The following MPP2 variants were observed in gnomAD, a reference collection of about 807,000 sequenced individuals.
MPP2 encodes MAGUK p55 subfamily member 2.
A neutral mutation model predicts 58.5 loss-of-function variants in MPP2; 42 were observed. The observed-to-expected ratio is 0.72, with a 90% CI of 0.56 to 0.93. The LOEUF (loss-of-function observed/expected upper bound fraction) is 0.93. Among genes scored for constraint, MPP2 ranks in the 40% least tolerant of loss-of-function variants. MPP2 has a pLI of 0.00. For synonymous variants in MPP2, 300 were observed against 307.8 expected, an observed-to-expected ratio of 0.97 and a Z score of 0.26; for missense variants, 632 against 760.4, an observed-to-expected ratio of 0.83 and a Z score of 1.99.
At chr17:43,889,805 G>T (rs963435242) in intron 3 of MPP2, among the ~76,000 whole-genome samples, 11 of 37,906 alleles carry the variant, frequency 2.9e-4, no homozygotes, top group African/African-American at 7.5e-4. Context: ...GTCCAAATGC[G>T]TTTTTTTTTT....
chr17:43,881,347 T>C lies in MPP2; in HGVS notation c.816A>G (p.Ala272=). Residue 272 remains alanine, a splice_region_variant and synonymous_variant, in exon 8 of 13, where the codon GCA becomes GCG. Coordinates refer to ENST00000269095, the MANE Select transcript of MPP2 (RefSeq NM_005374.5). ...VNQDDANWWQ[A]CHVEGGSAGL... The stretch of plus-strand genomic sequence containing the variant: ...CAGCACTGCCCCCTTCGACATGGCA[T>C]GCCTAAAACGGACATGAGACCAAGA... 1 of 1,614,096 alleles carries C rather than the reference T, an allele frequency of 6.2e-7. No homozygotes were observed. Among genetic ancestry groups the C allele is most frequent in the South Asian group, 1.1e-5 (1 of 91,082 alleles).
chr17:43,890,091 C>T (rs376044477), intron 3 of MPP2, among the ~76,000 whole-genome samples: 13 of 151,972 alleles, frequency 8.6e-5, no homozygotes, highest in African/African-American at 1.9e-4. Flanking sequence ...GGATTACAGG[C>T]GTGAGCCACC....
rs1342602208 is a variant in MPP2, at chr17:43,879,303, T to C, written c.1454A>G (p.Glu485Gly). The part of the protein sequence containing the change: ...TLRAMNRAAL[E>G]SGISTKQLTE... ...GAGCTGCTTGGTGGATATTCCACTC[T>C]CCAGCGCAGCCCTGTTCATGGCCCG... The change falls in exon 12 of 13, where the codon GAG (glutamate) becomes GGG (glycine). Residue 485 changes from glutamate to glycine, a missense_variant. Glu to Gly is a moderately conservative substitution (Grantham distance 98). Coordinates refer to ENST00000269095, the MANE Select transcript of MPP2 (RefSeq NM_005374.5). The surrounding 1 kb of genome is among the most constrained non-coding windows in gnomAD (Gnocchi z 4.1). 1 of 1,614,052 alleles carries C rather than the reference T, an allele frequency of 6.2e-7. No individual in the cohort carries two copies. The highest frequency in any genetic ancestry group is 2.2e-5 in the East Asian group (1 of 44,880).
In MPP2 at chr17:43,901,164, G is replaced by C. The variant is rs1055820522; in HGVS notation, c.32-2784C>G. ...GGGAGGCAGCCTCACTTGGGCATGG[G>C]GCAAATACCTCAAGCCTCAGACGCC... is the stretch of plus-strand genomic sequence containing the variant. On this transcript the variant is annotated intron_variant, in intron 2 of 12. Transcript: ENST00000269095. 5.6e-6 allele frequency: 4 copies of C among 719,366 alleles called. No homozygotes were observed. The African/African-American group carries it at 7.7e-5, about 14-fold the overall frequency. The allele number at this position is 719,366 out of a possible 1,614,324, so 44.6% of individuals were successfully genotyped here. A position where few individuals can be genotyped will look rare whatever the true frequency, so the allele number is the denominator to read the frequency against.
In MPP2 at chr17:43,882,494, C is replaced by T. The variant is rs34598923; in HGVS notation, c.471G>A (p.Val157=). The change falls in exon 6 of 13, where the codon GTG becomes GTA. Residue 157 remains valine (V), a synonymous_variant. Transcript: ENST00000269095. The part of the protein sequence containing the change: ...AGEHLGVTFR[V]EGGELVIARI... The stretch of plus-strand genomic sequence containing the variant: ...GCGCGATCACCAGCTCGCCGCCCTC[C>T]ACGCGGAACGTTACACCCTGGAGGT... 2,930 of 1,604,432 alleles carry T rather than the reference C, an allele frequency of 1.8e-3. 27 individuals are homozygous for T. In the African/African-American group the frequency reaches 0.031, roughly 17 times the overall value.
In MPP2 at chr17:43,880,033, G is replaced by A; in HGVS notation, c.1151-49C>T. 1 of 1,583,086 alleles carries A rather than the reference G, an allele frequency of 6.3e-7. No individual in the cohort carries two copies. Among genetic ancestry groups the A allele is most frequent in the Non-Finnish European group, 8.7e-7 (1 of 1,153,326 alleles). ...ACCAAATGGGCAGGGGCAGGTTACAGTGCCTCAGACACATATATGCACCCC... is the reference window on the plus strand; with the variant it reads ...ACCAAATGGGCAGGGGCAGGTTACAATGCCTCAGACACATATATGCACCCC... On this transcript the variant is annotated intron_variant, in intron 10 of 12. Transcript: ENST00000269095. This position sits in a 1 kb window ranked among gnomAD's most constrained non-coding sequence, Gnocchi z 5.2.
chr17:43,898,073 G>C (rs566473440), intron 3 of MPP2, among the ~76,000 whole-genome samples, 189 bp downstream of exon 3: 1 of 152,340 alleles, frequency 6.6e-6, no homozygotes, highest in East Asian at 1.9e-4. Flanking sequence ...AGACAGGTGT[G>C]GGGGCAGCCC....
chr17:43,903,896 C>G, intron 2 of MPP2, among the ~76,000 whole-genome samples: 1 of 152,166 alleles, frequency 6.6e-6, no homozygotes, highest in East Asian at 1.9e-4. Context: ...TGTCCTAATG[C>G]CTCCTACAGA....
At position 43,880,116 on chromosome 17, in the gene MPP2, ACTG is replaced by A. The variant is rs1190982086; in HGVS notation, c.1151-135_1151-133del. On this transcript the variant is annotated intron_variant, in intron 10 of 12. Transcript: ENST00000269095. This position sits in a 1 kb window ranked among gnomAD's most constrained non-coding sequence, Gnocchi z 5.2. ...GCAGTCTGCTCCCCATCTTGCCAGC[ACTG>A]CTGCCTTTGCACACACCTGCCCCCC... 1.6e-5 allele frequency: 13 copies of A among 807,414 alleles called. No homozygotes were observed. In the African/African-American group the frequency reaches 2.2e-4, roughly 14 times the overall value. The allele number at this position is 807,414 out of a possible 1,614,324, so 50.0% of individuals were successfully genotyped here.
At chr17:43,893,246 C>T (rs1275600570) in intron 3 of MPP2, among the ~76,000 whole-genome samples, 1 of 152,138 alleles carries the variant, frequency 6.6e-6, no homozygotes, top group Non-Finnish European at 1.5e-5. Context: ...GCTAAAGTAC[C>T]CAGAGGTGAT....
chr17:43,907,188 A>G (rs1054905631), intron 1 of MPP2: 1 of 985,262 alleles, frequency 1.0e-6, no homozygotes, highest in Admixed American at 6.2e-5. Context: ...CCGCGCAGAT[A>G]CCGGGGCCCC....
chr17:43,907,721 G>A (rs1413399031), upstream of MPP2: 1 of 985,418 alleles, frequency 1.0e-6, no homozygotes. Flanking sequence ...AGACCACGAC[G>A]CCCTGCTGGA....
In MPP2 at chr17:43,877,610, G is replaced by C. The variant is rs1446707996; in HGVS notation, c.*197C>G. 2 of 611,068 alleles carry C rather than the reference G, an allele frequency of 3.3e-6. No individual in the cohort carries two copies. The highest frequency in any genetic ancestry group is 5.6e-5 in the Admixed American group (2 of 35,660). 37.9% of individuals were successfully genotyped at this position (611,068 alleles called of 1,614,324 possible). A position where few individuals can be genotyped will look rare whatever the true frequency, so the allele number is the denominator to read the frequency against. The stretch of plus-strand genomic sequence containing the variant: ...GGAGTGGGCAGCACCTGGGCACAAG[G>C]TACCCCATGAATGCCCACCTCCCTG... On this transcript the variant is annotated 3_prime_UTR_variant, in exon 13 of 13. Transcript: ENST00000269095.
chr17:43,878,665 G>A (rs541247592), intron 12 of MPP2, among the ~76,000 whole-genome samples: 2 of 152,198 alleles, frequency 1.3e-5, no homozygotes, highest in African/African-American at 4.8e-5. Context: ...CTGGGCCCCA[G>A]GCACGCTCTG....
intron 3 of MPP2, among the ~76,000 whole-genome samples, chr17:43,889,848 T>A (rs1346726670): frequency 7.3e-6 from 1 of 136,062 alleles, no homozygotes; most frequent in Non-Finnish European, 1.5e-5. Flanking sequence ...AGTCTCACTC[T>A]GTTGCCCAGG....
At chr17:43,887,350 C>G (rs575000312) in intron 3 of MPP2, among the ~76,000 whole-genome samples, 2 of 152,096 alleles carry the variant, frequency 1.3e-5, no homozygotes, top group Non-Finnish European at 2.9e-5. Context: ...CACTACTGCA[C>G]TCCAGCCTGA....
At chr17:43,908,368 C>G (rs1056536959), upstream of MPP2, among the ~76,000 whole-genome samples, 3 of 152,244 alleles carry the variant, frequency 2.0e-5, no homozygotes, top group Non-Finnish European at 4.4e-5. Context: ...TCAGCCACCC[C>G]GTCCAGTTGC....
Position 43,879,173 on chromosome 17 carries a change from T to TG in MPP2, c.1482+101dup, listed in dbSNP as rs2046983829. On this transcript the variant is annotated intron_variant, in intron 12 of 12. Transcript: ENST00000269095. This position sits in a 1 kb window ranked among gnomAD's most constrained non-coding sequence, Gnocchi z 4.1. The stretch of plus-strand genomic sequence containing the variant: ...CTCACTGATAACTGGAGCAGGCCCC[T>TG]GTCCCTCCCCAACACCACCTCCTTC... 5.6e-6 allele frequency: 8 copies of TG among 1,417,834 alleles called. No individual in the cohort carries two copies. In the South Asian group the frequency reaches 7.9e-5, roughly 14 times the overall value. 87.8% of individuals were successfully genotyped at this position (1,417,834 alleles called of 1,614,324 possible).
intron 3 of MPP2, among the ~76,000 whole-genome samples, chr17:43,892,559 G>C (rs1207263532): frequency 6.6e-6 from 1 of 151,784 alleles, no homozygotes; most frequent in Non-Finnish European, 1.5e-5. Flanking sequence ...TTTTCCAGTG[G>C]GCTCAGGTAG....
Sources: gnomAD v4.1 joint callset for allele counts (sites outside exome capture counted in the v4.1 genomes callset) on GRCh38, gnomAD v4.1.1 for gene constraint, Gnocchi (gnomAD v3.1) non-coding constraint, MANE v1.5 for transcripts, NCBI Gene and HGNC (gene_info 2026-07-23, HGNC 2026-07-21) for gene names.